The following RAB22A variants were observed in gnomAD, a reference collection of about 807,000 sequenced individuals.
The protein encoded by RAB22A is RAB22A, member RAS oncogene family, also known as ras-related protein Rab-22A.
In RAB22A, 13 loss-of-function variants were observed where a neutral mutation model predicts 30.2. That is an observed-to-expected ratio of 0.43 (90% CI 0.28 to 0.68). The LOEUF (loss-of-function observed/expected upper bound fraction) is 0.68, where lower values mean the gene tolerates loss of function less well. Among genes scored for constraint, RAB22A ranks in the 30% least tolerant of loss-of-function variants. The pLI, the probability that RAB22A is intolerant of heterozygous loss-of-function variation, is 0.18. For missense variants in RAB22A, 177 were observed against 246.8 expected, an observed-to-expected ratio of 0.72 and a Z score of 1.89; for synonymous variants, 89 against 87.2, an observed-to-expected ratio of 1.02 and a Z score of -0.11.
At chr20:58,340,406 G>C (rs888993500) in intron 2 of RAB22A, among the ~76,000 whole-genome samples, 7 of 152,194 alleles carry the variant, frequency 4.6e-5, no homozygotes, top group African/African-American at 1.4e-4. Flanking sequence ...CACACACCTT[G>C]CTAAGGTTGC....
chr20:58,343,033 A>G (rs1388262398), intron 2 of RAB22A, among the ~76,000 whole-genome samples: 2 of 152,194 alleles, frequency 1.3e-5, no homozygotes, highest in African/African-American at 4.8e-5. Context: ...GCTCCCTGAA[A>G]GTGAGCGGTG....
chr20:58,340,562 GTT>G (rs1395097159), intron 2 of RAB22A, among the ~76,000 whole-genome samples: 1 of 152,210 alleles, frequency 6.6e-6, no homozygotes, highest in Non-Finnish European at 1.5e-5. Context: ...CATGATAAAT[GTT>G]TTGTTGGAGT....
intron 2 of RAB22A, among the ~76,000 whole-genome samples, chr20:58,334,586 A>G (rs934082526): frequency 3.3e-5 from 5 of 152,054 alleles, no homozygotes; most frequent in Admixed American, 6.6e-5. Context: ...GCATGAGGAA[A>G]CCTTCTGGTC....
chr20:58,313,052 A>G (rs532566978), intron 2 of RAB22A, among the ~76,000 whole-genome samples: 1 of 152,170 alleles, frequency 6.6e-6, no homozygotes, highest in East Asian at 1.9e-4. Flanking sequence ...AGAGCTGAAA[A>G]CCTAAAATCC....
intron 2 of RAB22A, among the ~76,000 whole-genome samples, chr20:58,327,917 T>C (rs938549999): frequency 3.3e-5 from 5 of 152,170 alleles, no homozygotes; most frequent in Non-Finnish European, 5.9e-5. Context: ...GTCATAACAA[T>C]TAAACGCAAC....
intron 2 of RAB22A, among the ~76,000 whole-genome samples, chr20:58,334,058 C>T (rs2122947586): frequency 6.6e-6 from 1 of 152,124 alleles, no homozygotes; most frequent in East Asian, 1.9e-4. Flanking sequence ...TGGCCAGGCT[C>T]AGTGGCTCAC....
At chr20:58,324,825 C>G (rs181984978) in intron 2 of RAB22A, among the ~76,000 whole-genome samples, 1 of 142,964 alleles carries the variant, frequency 7.0e-6, no homozygotes, top group East Asian at 2.1e-4. Context: ...CGAGATCGCA[C>G]CACTGCTCTC....
intron 2 of RAB22A, among the ~76,000 whole-genome samples, chr20:58,312,954 G>T (rs1470283767): frequency 5.9e-5 from 9 of 152,186 alleles, no homozygotes; most frequent in Non-Finnish European, 1.5e-5. Context: ...GGGCCTGCCT[G>T]TCCCTACCTG....
chr20:58,322,585 T>C (rs974173420), intron 2 of RAB22A, among the ~76,000 whole-genome samples: 4 of 152,250 alleles, frequency 2.6e-5, no homozygotes, highest in Admixed American at 2.0e-4. Flanking sequence ...TCCACTATTA[T>C]CTTGTTTACC....
intron 2 of RAB22A, among the ~76,000 whole-genome samples, chr20:58,316,952 A>G (rs1986352631): frequency 6.6e-6 from 1 of 151,866 alleles, no homozygotes. Context: ...TGTCCAAGCC[A>G]CCTCCCAAAT....
chr20:58,343,704 G>A lies in RAB22A; in HGVS notation c.117-14G>A. ...ACATAATTGTATTCTGATCATTTAG[G>A]TCTCTCTTTATAGGGCATCTTTTAT... On this transcript the variant is annotated splice_polypyrimidine_tract_variant and intron_variant, in intron 2 of 6. Coordinates refer to ENST00000244040, the MANE Select transcript of RAB22A (RefSeq NM_020673.3). The A allele has an allele frequency of 6.3e-7, 1 of 1,585,014 alleles. No homozygotes were observed. Among genetic ancestry groups the A allele is most frequent in the Non-Finnish European group, 8.7e-7 (1 of 1,153,930 alleles).
intron 3 of RAB22A, among the ~76,000 whole-genome samples, chr20:58,352,306 A>C (rs998732888): frequency 6.6e-6 from 1 of 152,196 alleles, no homozygotes; most frequent in East Asian, 1.9e-4. Context: ...ATGTGCACCA[A>C]ATGCTCCCCT....
At chr20:58,349,081 A>C (rs914978552) in intron 3 of RAB22A, among the ~76,000 whole-genome samples, 2 of 152,198 alleles carry the variant, frequency 1.3e-5, no homozygotes, top group African/African-American at 2.4e-5. Context: ...AGTCTCTTAC[A>C]TGCCTCCACC....
intron 2 of RAB22A, among the ~76,000 whole-genome samples, chr20:58,314,652 G>A (rs1166619997): frequency 6.6e-6 from 1 of 151,772 alleles, no homozygotes; most frequent in Non-Finnish European, 1.5e-5. Flanking sequence ...ACCAGCCTGG[G>A]CAACATGGTG....
chr20:58,334,015 G>A (rs1311988307), intron 2 of RAB22A, among the ~76,000 whole-genome samples: 2 of 152,006 alleles, frequency 1.3e-5, no homozygotes, highest in East Asian at 1.9e-4. Flanking sequence ...CCATTATTGT[G>A]CCATTACACT....
chr20:58,320,497 G>C (rs1270513961), intron 2 of RAB22A, among the ~76,000 whole-genome samples: 1 of 152,002 alleles, frequency 6.6e-6, no homozygotes. Flanking sequence ...TTTCTGAACT[G>C]TCCAGCTATA....
chr20:58,348,740 G>A (rs1986993466), intron 3 of RAB22A, among the ~76,000 whole-genome samples: 1 of 152,010 alleles, frequency 6.6e-6, no homozygotes, highest in Admixed American at 6.5e-5. Context: ...CACATTGGAA[G>A]AAGAATTGTC....
Position 58,359,917 on chromosome 20 carries a change from CA to C in RAB22A, c.*217del. On this transcript the variant is annotated 3_prime_UTR_variant, in exon 7 of 7. Transcript: ENST00000244040. ...TATTATGTAAAGAATCTCTAGTGTA[CA>C]AAGGGACTACATCGTTGGCTTTTGA... The C allele has an allele frequency of 3.0e-6, 1 of 334,646 alleles. No homozygotes were observed. The highest frequency in any genetic ancestry group is 5.5e-6 in the Non-Finnish European group (1 of 181,784). 20.7% of individuals were successfully genotyped at this position (334,646 alleles called of 1,614,324 possible). A position where few individuals can be genotyped will look rare whatever the true frequency, so the allele number is the denominator to read the frequency against.
chr20:58,319,462 G>A (rs529802607), intron 2 of RAB22A, among the ~76,000 whole-genome samples: 3 of 152,294 alleles, frequency 2.0e-5, no homozygotes, highest in African/African-American at 4.8e-5. Context: ...TGCTGTAGAT[G>A]TATAGAAAGT....
Sources: gnomAD v4.1 joint callset for allele counts (sites outside exome capture counted in the v4.1 genomes callset) on GRCh38, gnomAD v4.1.1 for gene constraint, MANE v1.5 for transcripts, NCBI Gene and HGNC (gene_info 2026-07-23, HGNC 2026-07-21) for gene names.